The following RPA3 variants were observed in gnomAD, a reference collection of about 807,000 sequenced individuals.
RPA3 encodes the protein replication protein A3.
A neutral mutation model predicts 13.7 loss-of-function variants in RPA3; 24 were observed. That is an observed-to-expected ratio of 1.75 (90% CI 1.27 to 2.46). The LOEUF (loss-of-function observed/expected upper bound fraction) is 2.46. Among genes scored for constraint, RPA3 ranks in the 30% most tolerant of loss-of-function variants. The pLI is 0.00. For missense variants in RPA3, 183 were observed against 151.0 expected (o/e 1.21, Z -1.11); for synonymous variants, 59 against 51.2 (o/e 1.15, Z -0.65).
intron 4 of RPA3, among the ~76,000 whole-genome samples, chr7:7,661,602 C>G (rs188514015): frequency 2.0e-5 from 3 of 152,148 alleles, no homozygotes; most frequent in Non-Finnish European, 2.9e-5. Context: ...GAGGTCCAGT[C>G]GAGACCCTGT....
intron 4 of RPA3, among the ~76,000 whole-genome samples, chr7:7,654,273 C>T (rs997382995): frequency 4.6e-5 from 7 of 152,134 alleles, no homozygotes; most frequent in Admixed American, 1.3e-4. Context: ...AATTGTTTGA[C>T]GTCTGTTTTA....
At chr7:7,692,113 CAG>C (rs1328792604) in intron 2 of RPA3, among the ~76,000 whole-genome samples, 16 of 152,098 alleles carry the variant, frequency 1.1e-4, no homozygotes, top group Non-Finnish European at 1.2e-4. Context: ...GTAAATGAAA[CAG>C]AGTACTTCGC....
chr7:7,660,246 CTT>C (rs1377076552), intron 4 of RPA3, among the ~76,000 whole-genome samples: 3 of 152,198 alleles, frequency 2.0e-5, no homozygotes, highest in Non-Finnish European at 4.4e-5. Flanking sequence ...GATCTTGACT[CTT>C]TATCCAATTT....
At chr7:7,642,129 A>G (rs962219544) in intron 4 of RPA3, among the ~76,000 whole-genome samples, 14 of 152,038 alleles carry the variant, frequency 9.2e-5, no homozygotes, top group African/African-American at 2.4e-4. Context: ...ACACACATCA[A>G]TGTCTTTAAT....
At chr7:7,690,412 G>C (rs1344631831) in intron 2 of RPA3, among the ~76,000 whole-genome samples, 1 of 152,012 alleles carries the variant, frequency 6.6e-6, no homozygotes, top group Admixed American at 6.6e-5. Flanking sequence ...TTTTACTGGA[G>C]TTGAACATTA....
At chr7:7,696,292 T>G (rs997219592) in intron 2 of RPA3, among the ~76,000 whole-genome samples, 3 of 151,204 alleles carry the variant, frequency 2.0e-5, no homozygotes, top group Non-Finnish European at 4.4e-5. Context: ...TAAGAATTAT[T>G]AGGTAGATTA....
At chr7:7,709,318 T>C (rs957767528) in intron 2 of RPA3, among the ~76,000 whole-genome samples, 4 of 152,244 alleles carry the variant, frequency 2.6e-5, no homozygotes, top group African/African-American at 9.6e-5. Flanking sequence ...TAGAAACTTG[T>C]TCAATTGTGG....
At chr7:7,710,100 C>T (rs987326932) in intron 2 of RPA3, among the ~76,000 whole-genome samples, 3 of 152,174 alleles carry the variant, frequency 2.0e-5, no homozygotes, top group Non-Finnish European at 2.9e-5. Flanking sequence ...TATCTGGTCT[C>T]ATCTATATTG....
intron 4 of RPA3, among the ~76,000 whole-genome samples, chr7:7,663,247 AG>A (rs1785520771): frequency 6.8e-6 from 1 of 148,050 alleles, no homozygotes; most frequent in African/African-American, 2.5e-5. Flanking sequence ...TGGAACTTGC[AG>A]TTTGAAGCAA....
chr7:7,712,862 G>T (rs1246349331), intron 2 of RPA3, among the ~76,000 whole-genome samples: 1 of 152,102 alleles, frequency 6.6e-6, no homozygotes, highest in Non-Finnish European at 1.5e-5. Context: ...AACATAATAG[G>T]CATAGAGTGT....
In RPA3 at chr7:7,711,176, G is replaced by A. The variant is rs114900254; in HGVS notation, c.-1028+3999C>T. On this transcript the variant is annotated intron_variant, in intron 2 of 7. Coordinates refer to ENST00000223129, the MANE Select transcript of RPA3 (RefSeq NM_002947.5). ...GTATTGAACTATAGTTTTGCAAGAT[G>A]TTGCCATTGTGGTAAACCAGGTAGA... Among the ~76,000 whole-genome samples, 715 of 152,240 alleles carry A rather than the reference G, an allele frequency of 4.7e-3. 7 individuals are homozygous for A. Among genetic ancestry groups the A allele is most frequent in the African/African-American group, 0.017 (688 of 41,550 alleles).
intron 2 of RPA3, among the ~76,000 whole-genome samples, chr7:7,703,244 C>G (rs778912299): frequency 6.6e-6 from 1 of 152,134 alleles, no homozygotes; most frequent in Non-Finnish European, 1.5e-5. Context: ...AATGTGCTTA[C>G]AGTGAGGCTT....
chr7:7,645,553 T>C (rs1785074077), intron 4 of RPA3, among the ~76,000 whole-genome samples: 1 of 152,268 alleles, frequency 6.6e-6, no homozygotes, highest in Non-Finnish European at 1.5e-5. Flanking sequence ...CAGCTTCCTT[T>C]AAGGAGTATT....
chr7:7,640,366 G>C lies in RPA3; in HGVS notation c.53C>G (p.Ala18Gly), dbSNP rs1291650975. Reference sequence around the variant, plus strand: ...GCAGACAGGCTTGTCGATGAATTGAGCTAGCATGCCGGCGTTGATGCGCGA... The same window carrying C: ...GCAGACAGGCTTGTCGATGAATTGACCTAGCATGCCGGCGTTGATGCGCGA... ...PRSRINAGML[A>G]QFIDKPVCFV... Residue 18 changes from alanine to glycine, a missense_variant, in exon 5 of 8, where the codon GCT (alanine) becomes GGT (glycine). Transcript: ENST00000223129. 1 of 1,613,966 alleles carries C rather than the reference G, an allele frequency of 6.2e-7. No individual in the cohort carries two copies. The highest frequency in any genetic ancestry group is 1.3e-5 in the African/African-American group (1 of 74,900).
intron 1 of RPA3, among the ~76,000 whole-genome samples, chr7:7,717,316 C>G (rs112154783): frequency 0.054 from 8,240 of 152,210 alleles, 263 homozygotes; most frequent in Middle Eastern, 0.12. Context: ...CTCAGCATCC[C>G]AAAGTGCTGG....
chr7:7,708,077 G>A (rs750283141), intron 2 of RPA3, among the ~76,000 whole-genome samples: 3 of 152,066 alleles, frequency 2.0e-5, no homozygotes, highest in Non-Finnish European at 2.9e-5. Context: ...TATTTCAGTC[G>A]TCATTCTTCT....
intron 4 of RPA3, among the ~76,000 whole-genome samples, chr7:7,654,975 A>G (rs1785307594): frequency 6.6e-6 from 1 of 151,572 alleles, no homozygotes; most frequent in Non-Finnish European, 1.5e-5. Flanking sequence ...TTTTTGCTTC[A>G]TAGTAGGATT....
intron 4 of RPA3, chr7:7,673,486 G>T (rs1779663093): frequency 2.8e-6 from 2 of 723,100 alleles, no homozygotes; most frequent in Non-Finnish European, 2.5e-6. Context: ...ATAATTAGAT[G>T]AATTATGTTC....
At position 7,646,258 on chromosome 7, in the gene RPA3, T is replaced by C. The variant is rs116367126; in HGVS notation, c.-757-5083A>G. On this transcript the variant is annotated intron_variant, in intron 4 of 7. Coordinates refer to ENST00000223129, the MANE Select transcript of RPA3 (RefSeq NM_002947.5). ...AAAGATGGTGAATGTGGGCATTTTA[T>C]TGAGTGATGGAGGTGGCTCTCAGTG... 4.9e-3 allele frequency among the ~76,000 whole-genome samples: 741 copies of C among 152,130 alleles called. 6 individuals are homozygous for C. The highest frequency in any genetic ancestry group is 0.017 in the African/African-American group (696 of 41,504).
Sources: gnomAD v4.1 joint callset for allele counts (sites outside exome capture counted in the v4.1 genomes callset) on GRCh38, gnomAD v4.1.1 for gene constraint, MANE v1.5 for transcripts, NCBI Gene and HGNC (gene_info 2026-07-23, HGNC 2026-07-21) for gene names.